The following TMEM232 variants were observed in gnomAD, a reference collection of about 807,000 sequenced individuals.
The protein encoded by TMEM232 is transmembrane protein 232.
A neutral mutation model predicts 78.8 loss-of-function variants in TMEM232; 80 were observed. The observed-to-expected ratio is 1.01, with a 90% confidence interval of 0.85 to 1.22. The LOEUF (loss-of-function observed/expected upper bound fraction) is 1.22, where lower values mean the gene tolerates loss of function less well. TMEM232 is among the 50% of genes most tolerant of loss of function. The pLI, the probability that TMEM232 is intolerant of heterozygous loss-of-function variation, is 0.00. For synonymous variants in TMEM232, 297 were observed against 254.3 expected, an observed-to-expected ratio of 1.17 and a Z score of -1.60; for missense variants, 881 against 742.2, an observed-to-expected ratio of 1.19 and a Z score of -2.17.
chr5:110,415,401 G>A (rs559686344), downstream of TMEM232, among the ~76,000 whole-genome samples: 1 of 151,790 alleles, frequency 6.6e-6, no homozygotes, highest in African/African-American at 2.4e-5. Flanking sequence ...TGTTAGCCAA[G>A]ATGGTCTCGA....
chr5:110,667,545 C>T (rs887547045), intron 1 of TMEM232, 181 bp from the exon 2 acceptor site: 9 of 401,682 alleles, frequency 2.2e-5, no homozygotes, highest in Non-Finnish European at 3.8e-5. Context: ...GAAATAAGTA[C>T]AAAAAGTTAC....
chr5:110,495,588 A>G (rs1210364610), intron 12 of TMEM232, among the ~76,000 whole-genome samples: 4 of 151,960 alleles, frequency 2.6e-5, no homozygotes, highest in Admixed American at 6.6e-5. Context: ...AAGGCTTTAC[A>G]GATATAAAAA....
At chr5:110,458,523 G>A (rs1458848803) in intron 12 of TMEM232, among the ~76,000 whole-genome samples, 1 of 152,118 alleles carries the variant, frequency 6.6e-6, no homozygotes, top group East Asian at 1.9e-4. Context: ...AGGCCCCTCT[G>A]CAGGAGAGAT....
intron 12 of TMEM232, among the ~76,000 whole-genome samples, chr5:110,514,622 A>G (rs1381631290): frequency 5.3e-5 from 8 of 152,286 alleles, no homozygotes; most frequent in Middle Eastern, 3.4e-3. Flanking sequence ...AAAAACCTAT[A>G]AAATAAGCAT....
rs139310002 is a variant in TMEM232, at chr5:110,512,598, C to T, written c.1703+15990G>A. On this transcript the variant is annotated intron_variant, in intron 12 of 13. Transcript: ENST00000455884. ...TGGAAACATCAATTTCCCTGACAGG[C>T]GGACAGAAATCTGAAAACATCTGCC... Among the ~76,000 whole-genome samples, 41 of 152,264 alleles carry T rather than the reference C, an allele frequency of 2.7e-4. 1 individual carries two copies. Among genetic ancestry groups the T allele is most frequent in the African/African-American group, 7.5e-4 (31 of 41,556 alleles).
chr5:110,411,587 A>G (rs189485949), intron 2 of TMEM232, among the ~76,000 whole-genome samples: 1 of 152,348 alleles, frequency 6.6e-6, no homozygotes, highest in Non-Finnish European at 1.5e-5. Flanking sequence ...AAACATTAAA[A>G]AACAATTCTC....
chr5:110,473,890 C>CAAAAA (rs61351197), intron 12 of TMEM232, among the ~76,000 whole-genome samples: 8 of 14,228 alleles, frequency 5.6e-4, no homozygotes, highest in African/African-American at 1.7e-3. Flanking sequence ...AGCCAGACAC[C>CAAAAA]AAAAAAAAAA....
intron 10 of TMEM232, among the ~76,000 whole-genome samples, chr5:110,604,536 T>C (rs752556212): frequency 1.2e-4 from 18 of 152,048 alleles, no homozygotes; most frequent in Admixed American, 2.0e-4. Flanking sequence ...AAAATAAAAA[T>C]AAAGAGGAAA....
At chr5:110,597,168 C>A (rs1406890865) in intron 10 of TMEM232, among the ~76,000 whole-genome samples, 1 of 152,146 alleles carries the variant, frequency 6.6e-6, no homozygotes, top group Non-Finnish European at 1.5e-5. Context: ...TCAGCAAAGT[C>A]TCAGGATACA....
chr5:110,697,083 C>T (rs1318909839), intron 1 of TMEM232, among the ~76,000 whole-genome samples: 2 of 152,160 alleles, frequency 1.3e-5, no homozygotes, highest in African/African-American at 4.8e-5. Context: ...CAGCATGGTA[C>T]TGGTACCAAA....
chr5:110,421,582 G>T (rs192632609), intron 13 of TMEM232, among the ~76,000 whole-genome samples: 1 of 152,084 alleles, frequency 6.6e-6, no homozygotes, highest in Admixed American at 6.6e-5. Flanking sequence ...TGCCAATGCT[G>T]TCTTTTTGTC....
At chr5:110,686,753 G>C (rs1793465088) in intron 1 of TMEM232, among the ~76,000 whole-genome samples, 1 of 152,088 alleles carries the variant, frequency 6.6e-6, no homozygotes, top group Non-Finnish European at 1.5e-5. Context: ...GGCTCAAACA[G>C]TATAGAAGCA....
chr5:110,484,133 T>C (rs994208710), intron 12 of TMEM232, among the ~76,000 whole-genome samples: 5 of 151,902 alleles, frequency 3.3e-5, no homozygotes, highest in African/African-American at 1.2e-4. Context: ...GATATAAAGA[T>C]GAAAACAATA....
intron 11 of TMEM232, 115 bp downstream of exon 11, chr5:110,568,332 C>G (rs529778915): frequency 3.1e-6 from 3 of 979,672 alleles, no homozygotes; most frequent in Non-Finnish European, 4.4e-6. Flanking sequence ...ATTATTCTCA[C>G]CTGTAAGTCA....
chr5:110,620,620 TCTCTCTCTCTCTCTCTCTCCTCTCTCC>T (rs1186189251), intron 7 of TMEM232, among the ~76,000 whole-genome samples: 26 of 123,310 alleles, frequency 2.1e-4, no homozygotes, highest in African/African-American at 8.7e-4. Context: ...TCTCTCTCTC[TCTCTCTCTCTCTCTCTCTCCTCTCTCC>T]TCTCTCTCTC....
At chr5:110,453,098 T>C (rs1760499155) in intron 12 of TMEM232, among the ~76,000 whole-genome samples, 1 of 152,150 alleles carries the variant, frequency 6.6e-6, no homozygotes, top group African/African-American at 2.4e-5. Context: ...ATAATTGCTA[T>C]TCCTTGTTAA....
chr5:110,569,455 G>A (rs987674252), intron 10 of TMEM232, among the ~76,000 whole-genome samples: 1 of 151,800 alleles, frequency 6.6e-6, no homozygotes, highest in Non-Finnish European at 1.5e-5. Flanking sequence ...TAGAAGAGAT[G>A]AACTTAGCCA....
At chr5:110,675,087 G>T (rs1791854269) in intron 1 of TMEM232, among the ~76,000 whole-genome samples, 1 of 151,740 alleles carries the variant, frequency 6.6e-6, no homozygotes, top group South Asian at 2.1e-4. Context: ...TGTCACCCAG[G>T]CTGGATGGAG....
At chr5:110,555,624 GT>G (rs777235015) in intron 11 of TMEM232, among the ~76,000 whole-genome samples, 1 of 152,120 alleles carries the variant, frequency 6.6e-6, no homozygotes, top group Non-Finnish European at 1.5e-5. Flanking sequence ...TTATTATGTG[GT>G]TATGTAAGTC....
Sources: gnomAD v4.1 joint callset for allele counts (sites outside exome capture counted in the v4.1 genomes callset) on GRCh38, gnomAD v4.1.1 for gene constraint, MANE v1.5 for transcripts, NCBI Gene and HGNC (gene_info 2026-07-23, HGNC 2026-07-21) for gene names.